The following COTL1 variants were observed in gnomAD, a reference collection of about 807,000 sequenced individuals.
COTL1 encodes coactosin-like protein.
In COTL1, 15 loss-of-function variants were observed where a neutral mutation model predicts 16.5. The ratio of observed to expected loss-of-function variants is 0.91; its 90% confidence interval spans 0.61 to 1.40. The LOEUF (loss-of-function observed/expected upper bound fraction) is 1.40, where lower values mean the gene tolerates loss of function less well. Ranked by LOEUF, COTL1 falls within the 40% of genes most tolerant of loss-of-function variation. The pLI, the probability that COTL1 is intolerant of heterozygous loss-of-function variation, is 0.00. For missense variants in COTL1, 220 were observed against 201.5 expected (o/e 1.09, Z -0.56); for synonymous variants, 112 against 85.3 (o/e 1.31, Z -1.73).
At chr16:84,607,005 G>C (rs1223296185) in intron 2 of COTL1, among the ~76,000 whole-genome samples, 1 of 152,192 alleles carries the variant, frequency 6.6e-6, no homozygotes, top group Non-Finnish European at 1.5e-5. Flanking sequence ...CCCATGACTT[G>C]GGCCCACTCA....
intron 3 of COTL1, among the ~76,000 whole-genome samples, chr16:84,570,652 T>C (rs2150679390): frequency 6.6e-6 from 1 of 152,320 alleles, no homozygotes; most frequent in East Asian, 1.9e-4. Context: ...AACAGGGTCA[T>C]CCTGCAACTT....
chr16:84,613,423 C>T (rs1304532184), intron 2 of COTL1, among the ~76,000 whole-genome samples: 1 of 152,080 alleles, frequency 6.6e-6, no homozygotes, highest in Non-Finnish European at 1.5e-5. Context: ...ATGGTAGAAA[C>T]CTCCAAAATC....
At chr16:84,617,606 AAC>A (rs1555525151) in intron 1 of COTL1, 23 bp from the exon 2 acceptor site, 67 of 1,547,022 alleles carry the variant, frequency 4.3e-5, no homozygotes, top group Non-Finnish European at 5.4e-5. Context: ...AGAAGAAAAA[AAC>A]ACACACACAC....
At chr16:84,573,229 C>A (rs56838236) in intron 3 of COTL1, among the ~76,000 whole-genome samples, 20,228 of 152,278 alleles carry the variant, frequency 0.13, 1,582 homozygotes, top group East Asian at 0.31. Context: ...TTGAACCCAG[C>A]CTTAGAAACG....
chr16:84,592,264 G>C, intron 2 of COTL1, among the ~76,000 whole-genome samples: 1 of 152,146 alleles, frequency 6.6e-6, no homozygotes. Flanking sequence ...TTCACAAACA[G>C]TTCATATTTT....
intron 2 of COTL1, among the ~76,000 whole-genome samples, chr16:84,615,122 C>T (rs895980566): frequency 3.9e-5 from 6 of 152,172 alleles, no homozygotes; most frequent in African/African-American, 1.2e-4. Context: ...GAGGACACGA[C>T]GACAGGAAGG....
chr16:84,607,301 AAG>A (rs949646209), intron 2 of COTL1, among the ~76,000 whole-genome samples: 8 of 152,222 alleles, frequency 5.3e-5, no homozygotes, highest in Admixed American at 5.2e-4. Flanking sequence ...AGGCAGAGGG[AAG>A]AGAGTCCACA....
intron 3 of COTL1, among the ~76,000 whole-genome samples, chr16:84,580,263 G>T (rs880763): frequency 0.33 from 50,116 of 152,066 alleles, 8,723 homozygotes; most frequent in African/African-American, 0.44. Context: ...TCTAAGACTT[G>T]TTTTTGAGAC....
intron 2 of COTL1, among the ~76,000 whole-genome samples, chr16:84,603,770 A>C (rs1905151732): frequency 6.6e-6 from 1 of 151,980 alleles, no homozygotes; most frequent in Non-Finnish European, 1.5e-5. Flanking sequence ...GACCCAGAAG[A>C]AGTGGCAGAA....
rs528518469 is a variant in COTL1 at position 84,584,146 on chromosome 16, C to A, written c.318+5959G>T. 5.9e-5 allele frequency among the ~76,000 whole-genome samples: 9 copies of A among 152,350 alleles called. No individual in the cohort carries two copies. The South Asian group carries it at 8.3e-4, about 14-fold the overall frequency. On this transcript the variant is annotated intron_variant, in intron 3 of 3. Coordinates refer to ENST00000262428, the MANE Select transcript of COTL1 (RefSeq NM_021149.5). ...TTCTGTCCTGGGCACCAGCCGGGTA[C>A]TTCTGTGTGGCAGACAACAGCTGTG...
intron 2 of COTL1, among the ~76,000 whole-genome samples, chr16:84,608,518 C>G (rs1178330657): frequency 6.6e-6 from 1 of 152,230 alleles, no homozygotes; most frequent in Non-Finnish European, 1.5e-5. Context: ...GGCCTCCCAG[C>G]AACAGATCTG....
In COTL1 at chr16:84,590,026, C is replaced by A; in HGVS notation, c.318+79G>T. ...ACAGCTAAGCTACAGACCCAGGAGTCGAACCCAGCCCTCTCCCTCCTTGCA... is the reference window on the plus strand; with the variant it reads ...ACAGCTAAGCTACAGACCCAGGAGTAGAACCCAGCCCTCTCCCTCCTTGCA... On this transcript the variant is annotated intron_variant, in intron 3 of 3. Coordinates refer to ENST00000262428, the MANE Select transcript of COTL1 (RefSeq NM_021149.5). This position sits in a 1 kb window ranked among gnomAD's most constrained non-coding sequence, Gnocchi z 5.5. 1 of 1,468,902 alleles carries A rather than the reference C, an allele frequency of 6.8e-7. No homozygotes were observed. Among genetic ancestry groups the A allele is most frequent in the South Asian group, 1.3e-5 (1 of 77,838 alleles). The allele number at this position is 1,468,902 out of a possible 1,614,324, so 91.0% of individuals were successfully genotyped here.
chr16:84,607,049 G>T (rs1265364402), intron 2 of COTL1, among the ~76,000 whole-genome samples: 1 of 152,186 alleles, frequency 6.6e-6, no homozygotes, highest in Non-Finnish European at 1.5e-5. Context: ...AAAGAGATTG[G>T]CAGCCATCTA....
intron 3 of COTL1, among the ~76,000 whole-genome samples, chr16:84,570,093 C>G (rs59404240): frequency 1.3e-5 from 2 of 152,030 alleles, no homozygotes; most frequent in Middle Eastern, 3.4e-3. Context: ...CTGGCCAACA[C>G]GGTGAAAACC....
rs1904826975 is a variant in COTL1 at position 84,590,179 on chromosome 16, T to C, written c.244A>G (p.Ile82Val). ...TGCAGCCCGCTGACGTTCTCACCGA[T>C]CCACGTGATGAGGGCAAACTTGGAC... ...KRSKFALITW[I>V]GENVSGLQRA... Residue 82 changes from isoleucine (I) to valine (V), a missense_variant, in exon 3 of 4, where the codon ATC (isoleucine) becomes GTC (valine). Coordinates refer to ENST00000262428, the MANE Select transcript of COTL1 (RefSeq NM_021149.5). The surrounding 1 kb of genome is among the most constrained non-coding windows in gnomAD (Gnocchi z 5.5). 10 of 1,614,136 alleles carry C rather than the reference T, an allele frequency of 6.2e-6. No individual in the cohort carries two copies. Among genetic ancestry groups the C allele is most frequent in the Non-Finnish European group, 8.5e-6 (10 of 1,180,014 alleles).
At chr16:84,582,759 CTG>C (rs139857373) in intron 3 of COTL1, among the ~76,000 whole-genome samples, 5,852 of 152,240 alleles carry the variant, frequency 0.038, 165 homozygotes, top group Non-Finnish European at 0.059. Context: ...TCCAACCACT[CTG>C]TGAAATTTTA....
At chr16:84,572,059 A>T (rs1229511578) in intron 3 of COTL1, among the ~76,000 whole-genome samples, 1 of 152,216 alleles carries the variant, frequency 6.6e-6, no homozygotes, top group Non-Finnish European at 1.5e-5. Flanking sequence ...AACAACCTCC[A>T]CACCTCTCCA....
intron 2 of COTL1, among the ~76,000 whole-genome samples, chr16:84,613,061 C>T (rs1225808708): frequency 2.7e-5 from 4 of 150,474 alleles, no homozygotes; most frequent in East Asian, 2.0e-4. Context: ...AGTACAACAG[C>T]GCGATCTCGG....
intron 3 of COTL1, 50 bp from the exon 4 acceptor site, chr16:84,567,005 G>C: frequency 7.5e-7 from 1 of 1,336,594 alleles, no homozygotes; most frequent in Non-Finnish European, 1.1e-6. Flanking sequence ...GGAAGGCACA[G>C]GATGTGAGGG....
Sources: gnomAD v4.1 joint callset for allele counts (sites outside exome capture counted in the v4.1 genomes callset) on GRCh38, gnomAD v4.1.1 for gene constraint, Gnocchi (gnomAD v3.1) non-coding constraint, MANE v1.5 for transcripts, NCBI Gene and HGNC (gene_info 2026-07-23, HGNC 2026-07-21) for gene names.